HRNR: variants seen among roughly 807,000 people sequenced by gnomAD.
HRNR encodes hornerin.
Under a neutral mutation model 4.8 loss-of-function variants are expected in HRNR, and 7 were observed. That is an observed-to-expected ratio of 1.47 (90% CI 0.83 to 2.75). The LOEUF (loss-of-function observed/expected upper bound fraction) is 2.75. Ranked by LOEUF, HRNR falls within the 30% of genes most tolerant of loss-of-function variation. The pLI is 0.00. For missense variants in HRNR, 2,879 were observed against 3,010.4 expected (o/e 0.96, Z 1.02); for synonymous variants, 1,023 against 1,242.7 (o/e 0.82, Z 3.72).
rs548858056 is a variant in HRNR at position 152,218,986 on chromosome 1, G to T, written c.2643C>A (p.Gly881=). Residue 881 remains glycine, a synonymous_variant, in exon 3 of 3, where the codon GGC becomes GGA. Coordinates refer to ENST00000368801, the MANE Select transcript of HRNR (RefSeq NM_001009931.3). ...ACTGGCCAGATCCAGAGCCATGTCG[G>T]CCGCGGCCCGAAGCGTGATGGGAGG... ...ESASHHASGR[G]RHGSGSGQSP... is the part of the protein sequence containing the mutation. The T allele has an allele frequency of 1.9e-6, 3 of 1,608,784 alleles. No individual in the cohort carries two copies. Among genetic ancestry groups the T allele is most frequent in the South Asian group, 1.2e-5 (1 of 86,090 alleles).
At position 152,218,528 on chromosome 1, in the gene HRNR, G is replaced by T; in HGVS notation, c.3101C>A (p.Ser1034Tyr). The change falls in exon 3 of 3, where the codon TCT (serine) becomes TAT (tyrosine). Residue 1034 changes from serine to tyrosine, a missense_variant. Around this residue, in one of 8 missense-constraint regions of HRNR, gnomAD observed 2,646 missense variants for 1,377.7 expected, o/e 1.92. Coordinates refer to ENST00000368801, the MANE Select transcript of HRNR (RefSeq NM_001009931.3). ...AGACTCATATGGGCCACGGCTTGAAGACCACCCTGAGCCAGACCTATATGG... is the reference window on the plus strand; with the variant it reads ...AGACTCATATGGGCCACGGCTTGAATACCACCCTGAGCCAGACCTATATGG... ...YGPYRSGSGWSSSRGPYESGS... is the reference protein window; with the variant it reads ...YGPYRSGSGWYSSRGPYESGS... The T allele has an allele frequency of 1.2e-6, 2 of 1,613,856 alleles. No homozygotes were observed. Among genetic ancestry groups the T allele is most frequent in the Non-Finnish European group, 8.5e-7 (1 of 1,179,978 alleles).
At chr1:152,223,549 T>C (rs1334688653) in intron 1 of HRNR, among the ~76,000 whole-genome samples, 1 of 152,228 alleles carries the variant, frequency 6.6e-6, no homozygotes. Flanking sequence ...CTTCCTGCCA[T>C]TACCAGGGAT....
chr1:152,221,181 G>T lies in HRNR; in HGVS notation c.448C>A (p.Pro150Thr), dbSNP rs1474897567. Reference protein sequence around the residue: ...YSRNVRGSLKPGTESISRRLS... With the variant: ...YSRNVRGSLKTGTESISRRLS... ...CTTCTGGATATGGATTCAGTCCCAG[G>T]TTTAAGACTTCCTCTGACGTTTCTG... The change falls in exon 3 of 3, where the codon CCT (proline) becomes ACT (threonine). Residue 150 changes from proline to threonine, a missense_variant. By Grantham distance (38) the Pro-to-Thr change is conservative. Around this residue, in one of 8 missense-constraint regions of HRNR, gnomAD observed 2,646 missense variants for 1,377.7 expected, o/e 1.92. Coordinates refer to ENST00000368801, the MANE Select transcript of HRNR (RefSeq NM_001009931.3). 1.9e-6 allele frequency: 3 copies of T among 1,614,180 alleles called. No individual in the cohort carries two copies. Among genetic ancestry groups the T allele is most frequent in the East Asian group, 2.2e-5 (1 of 44,882 alleles).
chr1:152,218,566 A>C lies in HRNR; in HGVS notation c.3063T>G (p.Ser1021=), dbSNP rs770936028. 1.9e-6 allele frequency: 3 copies of C among 1,613,834 alleles called. No individual in the cohort carries two copies. In the South Asian group the frequency reaches 3.3e-5, roughly 18 times the overall value. ...RGRHGSGSGQ[S]SSYGPYRSGS... ...CAGACCTATATGGGCCATAGCTGGA[A>C]GACTGCCCGGAACCAGACCCATGTC... is the stretch of plus-strand genomic sequence containing the variant. The change falls in exon 3 of 3, where the codon TCT becomes TCG. Residue 1021 remains serine (S), a synonymous_variant. Transcript: ENST00000368801.
intron 2 of HRNR, among the ~76,000 whole-genome samples, 164 bp downstream of exon 2, chr1:152,222,952 C>G (rs4845427): frequency 2.0e-5 from 3 of 152,244 alleles, no homozygotes; most frequent in African/African-American, 7.2e-5. Context: ...CTATGGAAAC[C>G]ATCACGGATC....
chr1:152,221,314 AGT>A lies in HRNR; in HGVS notation c.313_314del (p.Thr105SerfsTer11), dbSNP rs1648993947. Reference sequence around the variant, plus strand: ...CTTCTTGTTCCTCTTGGTGCTGGTGAGTGTCATCTCTCAGCTTTGACCCTGAA... The same window carrying A: ...CTTCTTGTTCCTCTTGGTGCTGGTGAGTCATCTCTCAGCTTTGACCCTGAA... The part of the protein sequence containing the change: ...QVSGSKLRDD[T>X]HQHQEEQEET... On this transcript the variant is annotated frameshift_variant, in exon 3 of 3. Coordinates refer to ENST00000368801, the MANE Select transcript of HRNR (RefSeq NM_001009931.3). LOFTEE classifies it low-confidence loss of function (END_TRUNC). 6.2e-7 allele frequency: 1 copy of A among 1,613,882 alleles called. No homozygotes were observed. The highest frequency in any genetic ancestry group is 2.2e-5 in the East Asian group (1 of 44,880).
chr1:152,213,009 T>C lies in HRNR; in HGVS notation c.*67A>G. 1 of 1,542,812 alleles carries C rather than the reference T, an allele frequency of 6.5e-7. No homozygotes were observed. Among genetic ancestry groups the C allele is most frequent in the Non-Finnish European group, 8.7e-7 (1 of 1,146,668 alleles). On this transcript the variant is annotated 3_prime_UTR_variant, in exon 3 of 3. Transcript: ENST00000368801. The stretch of plus-strand genomic sequence containing the variant: ...ATGATGGATTGCTTGTCTTTCATGA[T>C]GAATTCATAGATGACTTTCCTATTT...
In HRNR at chr1:152,219,507, C is replaced by G. The variant is rs371141475; in HGVS notation, c.2122G>C (p.Gly708Arg). 22 of 1,613,780 alleles carry G rather than the reference C, an allele frequency of 1.4e-5. No homozygotes were observed. Among genetic ancestry groups the G allele is most frequent in the Non-Finnish European group, 1.7e-5 (20 of 1,180,028 alleles). Residue 708 changes from glycine to arginine, a missense_variant, in exon 3 of 3, where the codon GGG becomes CGG. Coordinates refer to ENST00000368801, the MANE Select transcript of HRNR (RefSeq NM_001009931.3). ...SSGFGHKSGS[G>R]QSSGYSQHGS... ...TGCTGACTGTAACCAGAGGACTGCC[C>G]TGAGCCAGACTTGTGACCAAAGCCG...
chr1:152,220,269 G>T lies in HRNR; in HGVS notation c.1360C>A (p.Pro454Thr). The T allele has an allele frequency of 6.2e-7, 1 of 1,613,990 alleles. No homozygotes were observed. The highest frequency in any genetic ancestry group is 8.5e-7 in the Non-Finnish European group (1 of 1,179,984). ...GAGTAGCCTGAACCAGACACATATG[G>T]GCCACTGCTGGAAGATCGACCAAAG... ...TGFGRSSSSG[P>T]YVSGSGYSSG... The change falls in exon 3 of 3, where the codon CCA (proline) becomes ACA (threonine). Residue 454 changes from proline (P) to threonine (T), a missense_variant. Physicochemically the swap from Pro to Thr is conservative, Grantham distance 38. Coordinates refer to ENST00000368801, the MANE Select transcript of HRNR (RefSeq NM_001009931.3).
Position 152,212,968 on chromosome 1 carries a change from T to C in HRNR, c.*108A>G. ...AAGAGACAGAAATGCATTGATTCAC[T>C]TTTAGAACGAATTTCATGATGGATT... On this transcript the variant is annotated 3_prime_UTR_variant, in exon 3 of 3. Transcript: ENST00000368801. 3 of 1,457,296 alleles carry C rather than the reference T, an allele frequency of 2.1e-6. No homozygotes were observed. The highest frequency in any genetic ancestry group is 2.8e-6 in the Non-Finnish European group (3 of 1,086,872). The allele number at this position is 1,457,296 out of a possible 1,614,324, so 90.3% of individuals were successfully genotyped here. A position where few individuals can be genotyped will look rare whatever the true frequency, so the allele number is the denominator to read the frequency against.
chr1:152,219,091 A>T lies in HRNR; in HGVS notation c.2538T>A (p.Ser846=). The change falls in exon 3 of 3, where the codon TCT becomes TCA. Residue 846 remains serine (S), a synonymous_variant. Coordinates refer to ENST00000368801, the MANE Select transcript of HRNR (RefSeq NM_001009931.3). The part of the protein sequence containing the change: ...GHFSSQGRHG[S]TSGQSSSSGQ... ...CGGAGCTTGATGACTGCCCTGACGTAGATCCATGTCGTCCCTGGCTAGAGA... is the reference window on the plus strand; with the variant it reads ...CGGAGCTTGATGACTGCCCTGACGTTGATCCATGTCGTCCCTGGCTAGAGA... 1.2e-6 allele frequency: 2 copies of T among 1,613,702 alleles called. No individual in the cohort carries two copies. Among genetic ancestry groups the T allele is most frequent in the Non-Finnish European group, 1.7e-6 (2 of 1,179,972 alleles).
chr1:152,218,679 C>G lies in HRNR; in HGVS notation c.2950G>C (p.Gly984Arg), dbSNP rs1648764746. The G allele has an allele frequency of 2.5e-6, 4 of 1,613,972 alleles. No individual in the cohort carries two copies. Among genetic ancestry groups the G allele is most frequent in the Non-Finnish European group, 3.4e-6 (4 of 1,180,030 alleles). The change falls in exon 3 of 3, where the codon GGT becomes CGT. Residue 984 changes from glycine (G) to arginine (R), a missense_variant. Physicochemically the swap from Gly to Arg is moderately radical, Grantham distance 125. Coordinates refer to ENST00000368801, the MANE Select transcript of HRNR (RefSeq NM_001009931.3). The stretch of plus-strand genomic sequence containing the variant: ...TGACGGGAGCCAGACCCATGCTGAC[C>G]ATAGCTGGAAGACGAACCTGAGCTA... The part of the protein sequence containing the change: ...GSSSGSSSSY[G>R]QHGSGSRQSL...
Position 152,218,626 on chromosome 1 carries a change from A to G in HRNR, c.3003T>C (p.Ser1001=). ...TAGGGCTAGGAGACTGGCCAGATCC[A>G]GACCCATGTTGGCCGTGGCCCAAAG... ...RQSLGHGQHG[S]GSGQSPSPSR... Residue 1001 remains serine, a synonymous_variant, in exon 3 of 3, where the codon TCT becomes TCC. Transcript: ENST00000368801. 6.2e-7 allele frequency: 1 copy of G among 1,613,800 alleles called. No individual in the cohort carries two copies. Among genetic ancestry groups the G allele is most frequent in the Non-Finnish European group, 8.5e-7 (1 of 1,179,958 alleles).
At position 152,220,573 on chromosome 1, in the gene HRNR, C is replaced by G; in HGVS notation, c.1056G>C (p.Glu352Asp). The change falls in exon 3 of 3, where the codon GAG becomes GAC. Residue 352 changes from glutamate to aspartate, a missense_variant. Glu to Asp is a conservative substitution (Grantham distance 45). This residue lies in a region of HRNR where 2,646 missense variants were observed against 1,377.7 expected (regional missense o/e 1.92). Transcript: ENST00000368801. ...SGQTSGFGQH[E>D]SGSGQSSGYS... ...AGCCAGAGGACTGTCCTGAGCCAGA[C>G]TCATGTTGCCCAAAGCCAGAAGTCT... 1 of 1,608,206 alleles carries G rather than the reference C, an allele frequency of 6.2e-7. No individual in the cohort carries two copies. Among genetic ancestry groups the G allele is most frequent in the South Asian group, 1.1e-5 (1 of 90,560 alleles).
At position 152,220,043 on chromosome 1, in the gene HRNR, C is replaced by G; in HGVS notation, c.1586G>C (p.Gly529Ala). The G allele has an allele frequency of 6.2e-7, 1 of 1,613,948 alleles. No homozygotes were observed. The highest frequency in any genetic ancestry group is 8.5e-7 in the Non-Finnish European group (1 of 1,179,944). Residue 529 changes from glycine to alanine, a missense_variant, in exon 3 of 3, where the codon GGA becomes GCA. Transcript: ENST00000368801. The stretch of plus-strand genomic sequence containing the variant: ...AGATCCAGACCCATGTCGGCTGTGT[C>G]CCAAAGATTGACGGGAGCCAGACCC... Reference protein sequence around the residue: ...QHGSGSRQSLGHSRHGSGSGQ... With the variant: ...QHGSGSRQSLAHSRHGSGSGQ...
Position 152,219,147 on chromosome 1 carries a change from A to T in HRNR, c.2482T>A (p.Tyr828Asn). 1 of 1,613,872 alleles carries T rather than the reference A, an allele frequency of 6.2e-7. No individual in the cohort carries two copies. The highest frequency in any genetic ancestry group is 8.5e-7 in the Non-Finnish European group (1 of 1,180,004). Residue 828 changes from tyrosine to asparagine, a missense_variant, in exon 3 of 3, where the codon TAT becomes AAT. By Grantham distance (143) the Tyr-to-Asn change is moderately radical (BLOSUM62 -2). This residue lies in a region of HRNR where 2,646 missense variants were observed against 1,377.7 expected (regional missense o/e 1.92). Transcript: ENST00000368801. ...GQHESGSGQG[Y>N]SQHGSASGHF... ...CCTGAGGCAGAACCATGCTGACTAT[A>T]GCCCTGTCCTGAGCCAGACTCGTGT...
rs754204091 is a variant in HRNR at position 152,213,034 on chromosome 1, T to A, written c.*42A>T. 1 of 1,573,922 alleles carries A rather than the reference T, an allele frequency of 6.4e-7. No homozygotes were observed. Among genetic ancestry groups the A allele is most frequent in the Non-Finnish European group, 8.6e-7 (1 of 1,161,300 alleles). ...TGAATTCATAGATGACTTTCCTATTTCTTAAATTGCTACTTGAGTAAATTG... is the reference window on the plus strand; with the variant it reads ...TGAATTCATAGATGACTTTCCTATTACTTAAATTGCTACTTGAGTAAATTG... On this transcript the variant is annotated 3_prime_UTR_variant, in exon 3 of 3. Coordinates refer to ENST00000368801, the MANE Select transcript of HRNR (RefSeq NM_001009931.3).
Position 152,220,470 on chromosome 1 carries a change from A to G in HRNR, c.1159T>C (p.Ser387Pro). ...HGSTSGQASS[S>P]GQHGSSSRQS... is the part of the protein sequence containing the mutation. Reference sequence around the variant, plus strand: ...CGTGAGCTGGAGCCATGTTGGCCAGAGCTTGATGCCTGCCCTGACGTAGAT... The same window carrying G: ...CGTGAGCTGGAGCCATGTTGGCCAGGGCTTGATGCCTGCCCTGACGTAGAT... Residue 387 changes from serine to proline, a missense_variant, in exon 3 of 3, where the codon TCT becomes CCT. Around this residue, in one of 8 missense-constraint regions of HRNR, gnomAD observed 2,646 missense variants for 1,377.7 expected, o/e 1.92. Coordinates refer to ENST00000368801, the MANE Select transcript of HRNR (RefSeq NM_001009931.3). 1 of 1,610,526 alleles carries G rather than the reference A, an allele frequency of 6.2e-7. No individual in the cohort carries two copies. Among genetic ancestry groups the G allele is most frequent in the East Asian group, 2.2e-5 (1 of 44,636 alleles).
In HRNR at chr1:152,212,955, T is replaced by C. The variant is rs1648440822; in HGVS notation, c.*121A>G. 1.5e-6 allele frequency: 2 copies of C among 1,312,144 alleles called. No individual in the cohort carries two copies. The highest frequency in any genetic ancestry group is 2.1e-6 in the Non-Finnish European group (2 of 964,698). 81.3% of individuals were successfully genotyped at this position (1,312,144 alleles called of 1,614,324 possible). ...TAGGCTCTAAAGAAAGAGACAGAAA[T>C]GCATTGATTCACTTTTAGAACGAAT... is the stretch of plus-strand genomic sequence containing the variant. On this transcript the variant is annotated 3_prime_UTR_variant, in exon 3 of 3. Coordinates refer to ENST00000368801, the MANE Select transcript of HRNR (RefSeq NM_001009931.3).
Sources: gnomAD v4.1 joint callset for allele counts (sites outside exome capture counted in the v4.1 genomes callset) on GRCh38, gnomAD v4.1.1 for gene constraint, gnomAD v4.1.1 regional missense constraint, MANE v1.5 for transcripts, NCBI Gene and HGNC (gene_info 2026-07-23, HGNC 2026-07-21) for gene names.